DOCK2: variants seen among roughly 807,000 people sequenced by gnomAD.
The protein encoded by DOCK2 is dedicator of cytokinesis 2.
Under a neutral mutation model 248.9 loss-of-function variants are expected in DOCK2, and 87 were observed. The ratio of observed to expected loss-of-function variants is 0.35; its 90% CI spans 0.29 to 0.42. The LOEUF is 0.42. Among genes scored for constraint, DOCK2 ranks in the 10% least tolerant of loss-of-function variants. DOCK2 has a pLI of 1.00. For synonymous variants in DOCK2, 805 were observed against 821.6 expected, an observed-to-expected ratio of 0.98 and a Z score of 0.35; for missense variants, 1,747 against 2,300.2, an observed-to-expected ratio of 0.76 and a Z score of 4.92.
chr5:169,982,715 A>G (rs1242606723), intron 27 of DOCK2, among the ~76,000 whole-genome samples: 1 of 152,226 alleles, frequency 6.6e-6, no homozygotes, highest in Non-Finnish European at 1.5e-5. Flanking sequence ...GATTCTTTTG[A>G]TACTGCTCTA....
In DOCK2 at chr5:170,077,722, G is replaced by T. The variant is rs368481515; in HGVS notation, c.4879G>T (p.Asp1627Tyr). 8.7e-5 allele frequency: 141 copies of T among 1,613,596 alleles called. No individual in the cohort carries two copies. Among genetic ancestry groups the T allele is most frequent in the Middle Eastern group, 1.6e-4 (1 of 6,080 alleles). ...YGVREMPDFD[D>Y]RRVGRPRSML... is the part of the protein sequence containing the mutation. ...TCTCCCACCACAGCCTGACTTTGAC[G>T]ACAGGAGAGTGGGCCGTCCCAGGTC... The change falls in exon 48 of 52, where the codon GAC becomes TAC. Residue 1627 changes from aspartate (D) to tyrosine (Y), a missense_variant. Physicochemically the swap from Asp to Tyr is radical, Grantham distance 160 (BLOSUM62 -3). This residue lies in a region of DOCK2 where 513 missense variants were observed against 586.1 expected (regional missense o/e 0.88). Coordinates refer to ENST00000520908, the MANE Select transcript of DOCK2 (RefSeq NM_004946.3).
intron 27 of DOCK2, among the ~76,000 whole-genome samples, chr5:169,849,787 C>T (rs1173223371): frequency 1.3e-5 from 2 of 152,300 alleles, no homozygotes; most frequent in African/African-American, 4.8e-5. Context: ...GCCTTTAGCT[C>T]ATCTCCAGGC....
chr5:169,867,962 A>G (rs979060580), intron 27 of DOCK2, among the ~76,000 whole-genome samples: 5 of 152,230 alleles, frequency 3.3e-5, no homozygotes, highest in Non-Finnish European at 7.3e-5. Context: ...CATAGTTCAC[A>G]GATAGGGAAC....
At chr5:169,689,554 C>T (rs964985569) in intron 9 of DOCK2, among the ~76,000 whole-genome samples, 29 of 152,120 alleles carry the variant, frequency 1.9e-4, no homozygotes, top group African/African-American at 6.3e-4. Context: ...TCTCCCTATC[C>T]GTCTCACTCC....
At chr5:170,033,799 G>A (rs1019410022) in intron 34 of DOCK2, among the ~76,000 whole-genome samples, 2 of 152,156 alleles carry the variant, frequency 1.3e-5, no homozygotes, top group African/African-American at 4.8e-5. Flanking sequence ...ATTGTTCTGA[G>A]ACTTACTTTT....
At chr5:170,024,079 AC>A (rs1755820874) in intron 33 of DOCK2, among the ~76,000 whole-genome samples, 1 of 152,004 alleles carries the variant, frequency 6.6e-6, no homozygotes. Context: ...CCTGGAGTCC[AC>A]TCCTCCTTTC....
At chr5:169,911,841 AGGGAG>A (rs1353626840) in intron 27 of DOCK2, among the ~76,000 whole-genome samples, 2 of 152,234 alleles carry the variant, frequency 1.3e-5, no homozygotes, top group Non-Finnish European at 2.9e-5. Flanking sequence ...AAGAAAATAA[AGGGAG>A]GGAAGTGTTT....
chr5:170,045,987 G>A (rs1756694518), intron 39 of DOCK2, 82 bp downstream of exon 39: 2 of 1,309,078 alleles, frequency 1.5e-6, no homozygotes, highest in Non-Finnish European at 1.1e-6. Context: ...TGGGGAGATG[G>A]GCATGAGGGC....
At chr5:169,937,870 G>A (rs1776065806) in intron 27 of DOCK2, among the ~76,000 whole-genome samples, 4 of 152,198 alleles carry the variant, frequency 2.6e-5, no homozygotes, top group African/African-American at 9.7e-5. Flanking sequence ...TCTCACGTGA[G>A]TGGTGGGTCC....
chr5:169,870,967 G>C (rs963365533), intron 27 of DOCK2, among the ~76,000 whole-genome samples: 1 of 152,152 alleles, frequency 6.6e-6, no homozygotes, highest in Non-Finnish European at 1.5e-5. Flanking sequence ...TCAAAGTGCT[G>C]TTAGTTGGGT....
rs77216319 is a variant in DOCK2, at chr5:169,810,065, C to T, written c.2703+6859C>T. Among the ~76,000 whole-genome samples the T allele has an allele frequency of 2.8e-3, 431 of 152,236 alleles. 11 individuals carry two copies. The East Asian group carries it at 0.065, about 23-fold the overall frequency. ...AGAGAGATCTTGCTGCTCTACCCCC[C>T]GCCCACCCCAGCACAATGCCTGGCT... On this transcript the variant is annotated intron_variant, in intron 26 of 51. Transcript: ENST00000520908.
At chr5:169,943,223 A>C (rs2113709393) in intron 27 of DOCK2, among the ~76,000 whole-genome samples, 1 of 152,232 alleles carries the variant, frequency 6.6e-6, no homozygotes, top group East Asian at 1.9e-4. Context: ...GAATTGGATG[A>C]ATAGGTTTTA....
intron 27 of DOCK2, among the ~76,000 whole-genome samples, chr5:169,873,231 A>G (rs1772098021): frequency 6.6e-6 from 1 of 152,248 alleles, no homozygotes; most frequent in Admixed American, 6.5e-5. Flanking sequence ...AAAGGGGTAA[A>G]GCCATTCAAG....
At chr5:170,028,304 A>G (rs1007829993) in intron 34 of DOCK2, among the ~76,000 whole-genome samples, 1 of 152,226 alleles carries the variant, frequency 6.6e-6, no homozygotes, top group African/African-American at 2.4e-5. Flanking sequence ...TTTACTGAGC[A>G]CACTTAATAA....
intron 46 of DOCK2, among the ~76,000 whole-genome samples, chr5:170,071,560 A>G (rs1292542870): frequency 6.6e-6 from 1 of 152,208 alleles, no homozygotes; most frequent in African/African-American, 2.4e-5. Context: ...TGTCTATAGT[A>G]TGCTCTTCTT....
At chr5:169,726,540 T>G (rs148127094) in intron 22 of DOCK2, among the ~76,000 whole-genome samples, 1,596 of 152,302 alleles carry the variant, frequency 0.01, 28 homozygotes, top group African/African-American at 0.036. Flanking sequence ...TTTGGCTTTT[T>G]TTGCCATTGC....
At position 170,075,982 on chromosome 5, in the gene DOCK2, G is replaced by A. The variant is rs780304599; in HGVS notation, c.4764G>A (p.Glu1588=). The A allele has an allele frequency of 1.2e-6, 2 of 1,614,086 alleles. No homozygotes were observed. Among genetic ancestry groups the A allele is most frequent in the South Asian group, 1.1e-5 (1 of 91,090 alleles). The change falls in exon 47 of 52, where the codon GAG becomes GAA. Residue 1588 remains glutamate, a synonymous_variant. Coordinates refer to ENST00000520908, the MANE Select transcript of DOCK2 (RefSeq NM_004946.3). ...TGGGAGCTGGGATTAAGATCCATGA[G>A]AAAAGGGTGTCAGATAACTTGCGAC... is the stretch of plus-strand genomic sequence containing the variant. ...PFLGAGIKIH[E]KRVSDNLRPF... is the part of the protein sequence containing the mutation.
At chr5:169,952,414 C>G (rs1028495050) in intron 27 of DOCK2, among the ~76,000 whole-genome samples, 39 of 152,134 alleles carry the variant, frequency 2.6e-4, no homozygotes, top group African/African-American at 8.9e-4. Context: ...TTATGGCTCC[C>G]CTTTAAGTAA....
At chr5:169,664,657 G>A (rs1758620118) in intron 2 of DOCK2, among the ~76,000 whole-genome samples, 1 of 152,208 alleles carries the variant, frequency 6.6e-6, no homozygotes, top group Non-Finnish European at 1.5e-5. Flanking sequence ...GAGAGAGACA[G>A]CAAGGGGAAA....
Sources: allele counts gnomAD v4.1 joint callset (sites outside exome capture counted in the v4.1 genomes callset), GRCh38; gene constraint gnomAD v4.1.1; regional missense constraint gnomAD v4.1.1; transcripts MANE v1.5; gene names NCBI Gene and HGNC (gene_info 2026-07-23, HGNC 2026-07-21).